The following TAF1B variants were observed in gnomAD, a reference collection of about 807,000 sequenced individuals.
TAF1B encodes TATA box-binding protein-associated factor RNA polymerase I subunit B.
In TAF1B, 61 loss-of-function variants were observed where a neutral mutation model predicts 83.9. The observed-to-expected ratio is 0.73, with a 90% CI of 0.59 to 0.90. The LOEUF (loss-of-function observed/expected upper bound fraction) is 0.90. Ranked by LOEUF, TAF1B falls within the 40% of genes least tolerant of loss-of-function variation. The pLI is 0.00. For missense variants in TAF1B, 625 were observed against 677.0 expected, an observed-to-expected ratio of 0.92 and a Z score of 0.85; for synonymous variants, 221 against 224.6, an observed-to-expected ratio of 0.98 and a Z score of 0.14.
chr2:9,881,053 G>T (rs1341537463), intron 7 of TAF1B, among the ~76,000 whole-genome samples: 1 of 152,006 alleles, frequency 6.6e-6, no homozygotes, highest in African/African-American at 2.4e-5. Context: ...TAAATTTGAG[G>T]CTGGGCCTGG....
intron 4 of TAF1B, among the ~76,000 whole-genome samples, chr2:9,853,942 A>G (rs1012012515): frequency 7.2e-5 from 11 of 152,210 alleles, no homozygotes; most frequent in African/African-American, 1.9e-4. Context: ...TCTATCTAAA[A>G]TTAAGAAGGA....
At chr2:9,915,372 G>A (rs541474625) in intron 12 of TAF1B, among the ~76,000 whole-genome samples, 11 of 152,210 alleles carry the variant, frequency 7.2e-5, no homozygotes, top group Admixed American at 3.3e-4. Flanking sequence ...AGCTACAGAC[G>A]AGGAGAAATT....
chr2:9,902,958 G>A (rs912766088), intron 8 of TAF1B, among the ~76,000 whole-genome samples: 146 of 152,044 alleles, frequency 9.6e-4, no homozygotes, highest in African/African-American at 3.3e-3. Context: ...CTCCTTTCTC[G>A]ATTGTCAACT....
intron 5 of TAF1B, among the ~76,000 whole-genome samples, chr2:9,860,747 T>A (rs986095158): frequency 6.6e-6 from 1 of 152,200 alleles, no homozygotes; most frequent in African/African-American, 2.4e-5. Context: ...TCAGCTGTGA[T>A]AAATGCTGTC....
intron 14 of TAF1B, among the ~76,000 whole-genome samples, chr2:9,933,349 C>T (rs911508096): frequency 5.9e-5 from 9 of 152,232 alleles, no homozygotes; most frequent in African/African-American, 2.2e-4. Context: ...TCTCACAATA[C>T]ATATAGTATT....
chr2:9,845,942 C>T (rs1663193086), intron 2 of TAF1B: 1 of 384,486 alleles, frequency 2.6e-6, no homozygotes, highest in Non-Finnish European at 5.3e-6. Context: ...GAGATCACGC[C>T]ACTGTACTCC....
chr2:9,917,400 A>G (rs1665714435), intron 12 of TAF1B, among the ~76,000 whole-genome samples: 2 of 152,244 alleles, frequency 1.3e-5, no homozygotes, highest in South Asian at 4.1e-4. Flanking sequence ...TAGATGCTAC[A>G]GATTTTTAAA....
In TAF1B at chr2:9,849,358, T is replaced by TAC. The variant is rs1663308322; in HGVS notation, c.118-15_118-14insAC. 6.4e-7 allele frequency: 1 copy of TAC among 1,570,666 alleles called. No homozygotes were observed. The highest frequency in any genetic ancestry group is 8.6e-7 in the Non-Finnish European group (1 of 1,158,604). On this transcript the variant is annotated splice_polypyrimidine_tract_variant and intron_variant, in intron 2 of 14. Coordinates refer to ENST00000263663, the MANE Select transcript of TAF1B (RefSeq NM_005680.3). ...AAAACGATCTTTTTTAATGGTCTTT[T>TAC]TCTCTTTCCTGCAGAGATATCAGGA...
At chr2:9,855,027 T>C (rs1250265050) in intron 5 of TAF1B, among the ~76,000 whole-genome samples, 1 of 152,192 alleles carries the variant, frequency 6.6e-6, no homozygotes, top group Non-Finnish European at 1.5e-5. Context: ...GGAGTTTCAC[T>C]CTTGTTGCCC....
rs376384828 is a variant in TAF1B at position 9,845,258 on chromosome 2, C to T, written c.57C>T (p.Val19=). 1.2e-6 allele frequency: 2 copies of T among 1,613,860 alleles called. No individual in the cohort carries two copies. The highest frequency in any genetic ancestry group is 2.2e-5 in the East Asian group (1 of 44,876). Residue 19 remains valine (V), a synonymous_variant, in exon 2 of 15, where the codon GTC becomes GTT. Coordinates refer to ENST00000263663, the MANE Select transcript of TAF1B (RefSeq NM_005680.3). The stretch of plus-strand genomic sequence containing the variant: ...AACGCTGTACTCAGTGTGCTGCTGT[C>T]TCATGGGGTCTTACTGATGAAGGCA... ...FKERCTQCAA[V]SWGLTDEGKY...
At chr2:9,923,013 G>A (rs1441920671) in intron 14 of TAF1B, among the ~76,000 whole-genome samples, 1 of 152,150 alleles carries the variant, frequency 6.6e-6, no homozygotes, top group Admixed American at 6.5e-5. Flanking sequence ...GGAGGCTGAG[G>A]CAGGTGGATC....
chr2:9,902,640 G>A (rs986010167), intron 8 of TAF1B, among the ~76,000 whole-genome samples: 4 of 152,064 alleles, frequency 2.6e-5, no homozygotes, highest in African/African-American at 9.7e-5. Flanking sequence ...TTCTAGATAC[G>A]TAATTTATGG....
At chr2:9,890,409 C>T (rs1414529291) in intron 8 of TAF1B, among the ~76,000 whole-genome samples, 1 of 152,082 alleles carries the variant, frequency 6.6e-6, no homozygotes, top group Non-Finnish European at 1.5e-5. Flanking sequence ...TATTCAGATG[C>T]TTTTTAGGTA....
At chr2:9,929,579 A>G (rs1666151024) in intron 14 of TAF1B, among the ~76,000 whole-genome samples, 1 of 152,182 alleles carries the variant, frequency 6.6e-6, no homozygotes, top group Non-Finnish European at 1.5e-5. Flanking sequence ...TGCTGGATTC[A>G]GTTTTCCAGT....
At chr2:9,856,449 CATT>C (rs1663570580) in intron 5 of TAF1B, among the ~76,000 whole-genome samples, 1 of 151,922 alleles carries the variant, frequency 6.6e-6, no homozygotes, top group Non-Finnish European at 1.5e-5. Context: ...AACTATGAAA[CATT>C]ATACTGTCTT....
chr2:9,868,295 G>C lies in TAF1B; in HGVS notation c.419G>C (p.Ser140Thr). Residue 140 changes from serine to threonine, a missense_variant, in exon 6 of 15, where the codon AGT becomes ACT. Coordinates refer to ENST00000263663, the MANE Select transcript of TAF1B (RefSeq NM_005680.3). ...AAACAGGTATTAGAAGATAATCTAA[G>C]TCATTCAGACTGGGCTAGTGAGCCT... ...RKPTVLEDNL[S>T]HSDWASEPEL... The C allele has an allele frequency of 6.2e-7, 1 of 1,613,726 alleles. No individual in the cohort carries two copies. The highest frequency in any genetic ancestry group is 8.5e-7 in the Non-Finnish European group (1 of 1,179,802).
intron 12 of TAF1B, among the ~76,000 whole-genome samples, chr2:9,915,430 A>C (rs1449696042): frequency 6.6e-6 from 1 of 152,230 alleles, no homozygotes; most frequent in African/African-American, 2.4e-5. Context: ...AGAGTATATA[A>C]AGAATTTTTA....
chr2:9,876,068 C>T (rs1664314460), intron 7 of TAF1B, 50 bp downstream of exon 7: 2 of 1,493,176 alleles, frequency 1.3e-6, no homozygotes, highest in Non-Finnish European at 1.8e-6. Context: ...ACTACATGAA[C>T]TAAGTAGACA....
chr2:9,851,088 AGTG>A (rs760923025), intron 3 of TAF1B, among the ~76,000 whole-genome samples: 1 of 152,192 alleles, frequency 6.6e-6, no homozygotes, highest in Non-Finnish European at 1.5e-5. Context: ...GGAACAGAAA[AGTG>A]GTGGAAGCAG....
Sources: gnomAD v4.1 joint callset for allele counts (sites outside exome capture counted in the v4.1 genomes callset) on GRCh38, gnomAD v4.1.1 for gene constraint, MANE v1.5 for transcripts, NCBI Gene and HGNC (gene_info 2026-07-23, HGNC 2026-07-21) for gene names.